Variants in RTN1 observed in about 807,000 individuals in gnomAD.
RTN1 encodes reticulon-1.
RTN1 carries 25 observed loss-of-function variants against 65.5 expected under a neutral mutation model. The observed-to-expected ratio is 0.38, with a 90% confidence interval of 0.28 to 0.53. RTN1 has a LOEUF of 0.53. Ranked by LOEUF, RTN1 falls within the 20% of genes least tolerant of loss-of-function variation. The probability of loss-of-function intolerance (pLI) is 0.79; values close to 1 mark genes in which losing one functional copy is unlikely to be tolerated. For missense variants in RTN1, 983 were observed against 1,025.4 expected (o/e 0.96, Z 0.57); for synonymous variants, 471 against 447.6 (o/e 1.05, Z -0.66).
At chr14:59,695,638 T>G (rs9783677) in intron 3 of RTN1, among the ~76,000 whole-genome samples, 1 of 152,184 alleles carries the variant, frequency 6.6e-6, no homozygotes, top group Non-Finnish European at 1.5e-5. Context: ...CCCTCAGATC[T>G]GGGATTTATT....
intron 1 of RTN1, among the ~76,000 whole-genome samples, chr14:59,858,957 G>A (rs918004733): frequency 1.3e-5 from 2 of 152,130 alleles, no homozygotes; most frequent in Non-Finnish European, 2.9e-5. Flanking sequence ...TCCAAAACTG[G>A]ATAAAATTAT....
intron 3 of RTN1, among the ~76,000 whole-genome samples, chr14:59,681,742 C>T (rs866500993): frequency 3.3e-5 from 5 of 152,152 alleles, no homozygotes; most frequent in African/African-American, 1.2e-4. Context: ...CTTCTCAGAT[C>T]GTGTTCCACT....
intron 3 of RTN1, among the ~76,000 whole-genome samples, chr14:59,614,722 T>A (rs1297263985): frequency 6.6e-6 from 1 of 152,228 alleles, no homozygotes; most frequent in Admixed American, 6.5e-5. Context: ...CCTGGGGACA[T>A]ACGGAAAGCC....
Position 59,609,954 on chromosome 14 carries a change from A to C in RTN1, c.1766-2462T>G, listed in dbSNP as rs577330676. On this transcript the variant is annotated intron_variant, in intron 3 of 8. Coordinates refer to ENST00000267484, the MANE Select transcript of RTN1 (RefSeq NM_021136.3). ...CATATTTGGAAACAAATACATTATA[A>C]GACAGAATGATTTGTGCTGAAGGGG... Among the ~76,000 whole-genome samples, 8 of 152,370 alleles carry C rather than the reference A, an allele frequency of 5.3e-5. No individual in the cohort carries two copies. The East Asian group carries it at 1.5e-3, about 29-fold the overall frequency.
chr14:59,730,216 T>C (rs1229921812), intron 2 of RTN1, among the ~76,000 whole-genome samples: 1 of 152,226 alleles, frequency 6.6e-6, no homozygotes, highest in Admixed American at 6.5e-5. Context: ...TCATGTGTTT[T>C]ACACTATATC....
At chr14:59,688,450 T>C (rs746491310) in intron 3 of RTN1, among the ~76,000 whole-genome samples, 14 of 152,208 alleles carry the variant, frequency 9.2e-5, no homozygotes, top group Admixed American at 3.3e-4. Flanking sequence ...AAAGCCTGCC[T>C]AGTCCAACCC....
At chr14:59,848,684 A>T (rs2139660461) in intron 1 of RTN1, among the ~76,000 whole-genome samples, 1 of 152,340 alleles carries the variant, frequency 6.6e-6, no homozygotes, top group Non-Finnish European at 1.5e-5. Flanking sequence ...CTATGATCCC[A>T]ATATGGTATT....
chr14:59,805,037 AC>A (rs1319588437), intron 1 of RTN1, among the ~76,000 whole-genome samples: 97 of 152,330 alleles, frequency 6.4e-4, no homozygotes, highest in Non-Finnish European at 1.2e-3. Context: ...ATATTCAAAC[AC>A]ACCAAACACA....
chr14:59,633,091 A>T lies in RTN1; in HGVS notation c.1766-25599T>A, dbSNP rs564694394. 2.6e-3 allele frequency among the ~76,000 whole-genome samples: 389 copies of T among 152,300 alleles called. 1 individual carries two copies. The highest frequency in any genetic ancestry group is 8.6e-3 in the African/African-American group (358 of 41,570). On this transcript the variant is annotated intron_variant, in intron 3 of 8. Transcript: ENST00000267484. The stretch of plus-strand genomic sequence containing the variant: ...GCACTCCAGCCTGGGTGACATAGTG[A>T]GACCCCGTCTAAAAGCTGACCTTGG...
chr14:59,681,878 C>T (rs1883752329), intron 3 of RTN1, among the ~76,000 whole-genome samples: 1 of 152,266 alleles, frequency 6.6e-6, no homozygotes, highest in East Asian at 1.9e-4. Flanking sequence ...AAATCTCTCC[C>T]AAATTCATCC....
chr14:59,613,420 T>C (rs1882014914), intron 3 of RTN1, among the ~76,000 whole-genome samples: 1 of 152,134 alleles, frequency 6.6e-6, no homozygotes, highest in African/African-American at 2.4e-5. Context: ...TGCCTCAGCC[T>C]CCCAAGTAGC....
chr14:59,699,200 C>T (rs976703939), intron 3 of RTN1, among the ~76,000 whole-genome samples: 1 of 151,644 alleles, frequency 6.6e-6, no homozygotes, highest in South Asian at 2.1e-4. Context: ...GATGGGTGCA[C>T]CATAATCTCA....
chr14:59,805,724 T>A (rs1886623930), intron 1 of RTN1, among the ~76,000 whole-genome samples: 1 of 152,312 alleles, frequency 6.6e-6, no homozygotes, highest in African/African-American at 2.4e-5. Flanking sequence ...ATTTTCCAGA[T>A]AACTTCTGAT....
intron 1 of RTN1, among the ~76,000 whole-genome samples, chr14:59,804,271 GT>G (rs1179176490): frequency 2.6e-5 from 4 of 152,012 alleles, no homozygotes; most frequent in Non-Finnish European, 5.9e-5. Flanking sequence ...TTTGTATTGT[GT>G]TTTTTTCCTC....
In RTN1 at chr14:59,727,772, T is replaced by C; in HGVS notation, c.1016-104A>G. On this transcript the variant is annotated intron_variant, in intron 2 of 8. Coordinates refer to ENST00000267484, the MANE Select transcript of RTN1 (RefSeq NM_021136.3). This position sits in a 1 kb window ranked among gnomAD's most constrained non-coding sequence, Gnocchi z 4.2. ...ACAAAATTCCATTAGGCGAGATGTT[T>C]TGTCGTTGCTTGAGAAACACATATC... 7.1e-7 allele frequency: 1 copy of C among 1,413,398 alleles called. No individual in the cohort carries two copies. The highest frequency in any genetic ancestry group is 9.3e-7 in the Non-Finnish European group (1 of 1,074,358). 87.6% of individuals were successfully genotyped at this position (1,413,398 alleles called of 1,614,324 possible).
intron 3 of RTN1, among the ~76,000 whole-genome samples, chr14:59,693,981 C>A (rs1454349400): frequency 1.3e-5 from 2 of 152,186 alleles, no homozygotes; most frequent in Non-Finnish European, 2.9e-5. Flanking sequence ...TCAGAACCTG[C>A]TCAGAACCAG....
At position 59,694,227 on chromosome 14, in the gene RTN1, A is replaced by G. The variant is rs1378271457; in HGVS notation, c.1765+32692T>C. The stretch of plus-strand genomic sequence containing the variant: ...ATCAGGATTTTTTTAACTTCAATAA[A>G]ATATTGATTCATGATAAACTCTTAG... On this transcript the variant is annotated intron_variant, in intron 3 of 8. Transcript: ENST00000267484. Among the ~76,000 whole-genome samples, 6 of 152,278 alleles carry G rather than the reference A, an allele frequency of 3.9e-5. No individual in the cohort carries two copies. The East Asian group carries it at 9.7e-4, about 24-fold the overall frequency.
In RTN1 at chr14:59,870,554, C is replaced by A; in HGVS notation, c.77G>T (p.Gly26Val). ...CGTCACCGCTTCGTTCTCCCCCTCC[C>A]CCCGGTGCCTGAGCCACTGGGACCC... ...GPGSQWLRHRGEGENEAVTPK... is the reference protein window; with the variant it reads ...GPGSQWLRHRVEGENEAVTPK... The change falls in exon 1 of 9, where the codon GGG becomes GTG. Residue 26 changes from glycine (G) to valine (V), a missense_variant. By Grantham distance (109) the Gly-to-Val change is moderately radical. Coordinates refer to ENST00000267484, the MANE Select transcript of RTN1 (RefSeq NM_021136.3). The surrounding 1 kb of genome is among the most constrained non-coding windows in gnomAD (Gnocchi z 5.1). 2 of 1,457,674 alleles carry A rather than the reference C, an allele frequency of 1.4e-6. No homozygotes were observed. Among genetic ancestry groups the A allele is most frequent in the Non-Finnish European group, 1.8e-6 (2 of 1,110,440 alleles). 90.3% of individuals were successfully genotyped at this position (1,457,674 alleles called of 1,614,324 possible).
intron 2 of RTN1, among the ~76,000 whole-genome samples, chr14:59,736,518 T>C (rs1386422831): frequency 6.6e-6 from 1 of 151,974 alleles, no homozygotes; most frequent in East Asian, 1.9e-4. Context: ...AGTTCTGAAA[T>C]TGAGACAACA....
Sources: gnomAD v4.1 joint callset for allele counts (sites outside exome capture counted in the v4.1 genomes callset) on GRCh38, gnomAD v4.1.1 for gene constraint, Gnocchi (gnomAD v3.1) non-coding constraint, MANE v1.5 for transcripts, NCBI Gene and HGNC (gene_info 2026-07-23, HGNC 2026-07-21) for gene names.